The following KIF6 variants were observed in gnomAD, a reference collection of about 807,000 sequenced individuals.
KIF6 encodes kinesin family member 6, also known as kinesin-like protein KIF6.
In KIF6, 106 loss-of-function variants were observed where a neutral mutation model predicts 112.7. That is an observed-to-expected ratio of 0.94 (90% CI 0.80 to 1.11). The LOEUF is 1.11. Ranked by LOEUF, KIF6 falls within the 50% of genes least tolerant of loss-of-function variation. The pLI, the probability that KIF6 is intolerant of heterozygous loss-of-function variation, is 0.00. For missense variants in KIF6, 929 were observed against 964.0 expected (o/e 0.96, Z 0.48); for synonymous variants, 339 against 339.9 (o/e 1.00, Z 0.03).
At chr6:39,543,104 TTC>T (rs936068787) in intron 12 of KIF6, among the ~76,000 whole-genome samples, 8 of 152,292 alleles carry the variant, frequency 5.3e-5, no homozygotes, top group Non-Finnish European at 8.8e-5. Context: ...ACTTGGACTG[TTC>T]TCTCTCTGTC....
intron 13 of KIF6, among the ~76,000 whole-genome samples, chr6:39,506,148 T>A (rs1267596023): frequency 6.6e-6 from 1 of 152,178 alleles, no homozygotes; most frequent in African/African-American, 2.4e-5. Context: ...ATGGCACATA[T>A]ACACCATGGA....
At chr6:39,669,621 C>T (rs1786683125) in intron 3 of KIF6, among the ~76,000 whole-genome samples, 1 of 152,186 alleles carries the variant, frequency 6.6e-6, no homozygotes, top group Non-Finnish European at 1.5e-5. Flanking sequence ...TTTTTTCTGT[C>T]GTCTGACTTC....
At chr6:39,641,974 T>G (rs1784925526) in intron 3 of KIF6, among the ~76,000 whole-genome samples, 1 of 152,114 alleles carries the variant, frequency 6.6e-6, no homozygotes, top group Non-Finnish European at 1.5e-5. Context: ...TATTTATTTA[T>G]TACGTTGCTA....
intron 3 of KIF6, among the ~76,000 whole-genome samples, chr6:39,642,335 TG>T (rs1205013603): frequency 1.3e-5 from 2 of 152,166 alleles, no homozygotes; most frequent in Non-Finnish European, 1.5e-5. Context: ...CCATGAGCTT[TG>T]TGGTATTTTA....
intron 16 of KIF6, among the ~76,000 whole-genome samples, chr6:39,370,507 G>C (rs896356623): frequency 6.6e-6 from 1 of 152,082 alleles, no homozygotes; most frequent in Non-Finnish European, 1.5e-5. Flanking sequence ...CTTTCATTTG[G>C]CAATAATTTA....
At chr6:39,576,597 A>G (rs1780986976) in intron 10 of KIF6, among the ~76,000 whole-genome samples, 1 of 152,164 alleles carries the variant, frequency 6.6e-6, no homozygotes, top group Non-Finnish European at 1.5e-5. Context: ...TCCTCTGGAC[A>G]GTGTCTCGAC....
intron 3 of KIF6, among the ~76,000 whole-genome samples, chr6:39,664,212 T>G (rs1236374339): frequency 6.6e-6 from 1 of 152,114 alleles, no homozygotes; most frequent in Non-Finnish European, 1.5e-5. Context: ...AGCTTGGTGT[T>G]TCAGGGTGGG....
At chr6:39,484,834 C>T (rs1775023573) in intron 13 of KIF6, among the ~76,000 whole-genome samples, 3 of 152,118 alleles carry the variant, frequency 2.0e-5, no homozygotes, top group African/African-American at 7.2e-5. Flanking sequence ...TGCAGTGGAG[C>T]CACTTAGATG....
chr6:39,414,010 A>C (rs888673940), intron 15 of KIF6, among the ~76,000 whole-genome samples: 2 of 152,156 alleles, frequency 1.3e-5, no homozygotes, highest in African/African-American at 2.4e-5. Flanking sequence ...TCTCTGAACC[A>C]TTTCTATTCT....
At chr6:39,698,821 CTATT>C (rs1164799673) in intron 3 of KIF6, among the ~76,000 whole-genome samples, 2 of 152,138 alleles carry the variant, frequency 1.3e-5, no homozygotes, top group Admixed American at 6.5e-5. Context: ...ATGAACAACA[CTATT>C]TAATTAGCAC....
chr6:39,465,771 C>T (rs575754569), intron 13 of KIF6, among the ~76,000 whole-genome samples: 1 of 152,330 alleles, frequency 6.6e-6, no homozygotes, highest in South Asian at 2.1e-4. Context: ...ACATTGTGTT[C>T]TAACTACACT....
At chr6:39,338,051 A>C (rs1289695202) in intron 22 of KIF6, among the ~76,000 whole-genome samples, 1 of 152,236 alleles carries the variant, frequency 6.6e-6, no homozygotes, top group African/African-American at 2.4e-5. Context: ...ATTCATTAGC[A>C]CATTAAAATG....
chr6:39,353,810 A>G (rs1764436674), intron 19 of KIF6: 1 of 357,720 alleles, frequency 2.8e-6, no homozygotes, highest in Admixed American at 3.2e-5. Context: ...GGTGTCCGGC[A>G]TGCAGCAGAT....
rs1231764717 is a variant in KIF6 at position 39,503,796 on chromosome 6, T to C, written c.1645+36207A>G. 8.9e-5 allele frequency among the ~76,000 whole-genome samples: 13 copies of C among 145,576 alleles called. No individual in the cohort carries two copies. In the Admixed American group the frequency reaches 9.0e-4, roughly 10 times the overall value. On this transcript the variant is annotated intron_variant, in intron 13 of 22. Coordinates refer to ENST00000287152, the MANE Select transcript of KIF6 (RefSeq NM_145027.6). ...ACCAGGAAGATAATGAATCCCTGAT[T>C]AGACCAATAACAAGTTCTGCAACAG...
intron 22 of KIF6, among the ~76,000 whole-genome samples, chr6:39,339,532 C>G (rs551339280): frequency 6.6e-6 from 1 of 151,732 alleles, no homozygotes; most frequent in South Asian, 2.1e-4. Context: ...CCTAACACCT[C>G]TTGGAGAAGA....
chr6:39,572,011 T>C (rs896985831), intron 10 of KIF6, among the ~76,000 whole-genome samples: 5 of 152,166 alleles, frequency 3.3e-5, no homozygotes, highest in African/African-American at 7.2e-5. Context: ...TCTGAATTCC[T>C]ACATAATTAT....
chr6:39,515,610 T>C (rs1226825502), intron 13 of KIF6, among the ~76,000 whole-genome samples: 3 of 152,200 alleles, frequency 2.0e-5, no homozygotes, highest in African/African-American at 7.2e-5. Flanking sequence ...ACTTCTCTTA[T>C]ATAGTATGTC....
intron 12 of KIF6, among the ~76,000 whole-genome samples, chr6:39,543,441 G>A (rs189052528): frequency 1.3e-5 from 2 of 152,198 alleles, no homozygotes; most frequent in Admixed American, 1.3e-4. Flanking sequence ...AAACTCACTT[G>A]AATCTGACAC....
intron 19 of KIF6, among the ~76,000 whole-genome samples, chr6:39,356,595 T>C (rs1322461445): frequency 6.6e-6 from 1 of 152,154 alleles, no homozygotes; most frequent in Non-Finnish European, 1.5e-5. Context: ...CCCTATTTTA[T>C]ATTTCTAATG....
Sources: gnomAD v4.1 joint callset for allele counts (sites outside exome capture counted in the v4.1 genomes callset) on GRCh38, gnomAD v4.1.1 for gene constraint, MANE v1.5 for transcripts, NCBI Gene and HGNC (gene_info 2026-07-23, HGNC 2026-07-21) for gene names.